The following ANKRD31 variants were observed in gnomAD, a reference collection of about 807,000 sequenced individuals.
ANKRD31 encodes the protein ankyrin repeat domain 31.
ANKRD31 carries 147 observed loss-of-function variants against 186.0 expected under a neutral mutation model. The ratio of observed to expected loss-of-function variants is 0.79; its 90% CI spans 0.69 to 0.91. The LOEUF (loss-of-function observed/expected upper bound fraction) is 0.91. ANKRD31 is among the 40% of genes least tolerant of loss of function. The pLI is 0.00. For synonymous variants in ANKRD31, 673 were observed against 736.4 expected (o/e 0.91, Z 1.39); for missense variants, 1,986 against 2,148.8 (o/e 0.92, Z 1.50).
intron 17 of ANKRD31, among the ~76,000 whole-genome samples, chr5:75,134,910 CA>C (rs1183448032): frequency 6.6e-6 from 1 of 152,058 alleles, no homozygotes; most frequent in African/African-American, 2.4e-5. Context: ...GAACCAAAGA[CA>C]AAAACCCCAT....
intron 23 of ANKRD31, among the ~76,000 whole-genome samples, chr5:75,085,016 T>C (rs1745373456): frequency 6.6e-6 from 1 of 152,156 alleles, no homozygotes; most frequent in East Asian, 1.9e-4. Context: ...CAAGGGTCTT[T>C]GGGTTCTTTA....
Position 75,190,694 on chromosome 5 carries a change from C to T in ANKRD31, c.1408+1973G>A, listed in dbSNP as rs535770502. 1.5e-3 allele frequency among the ~76,000 whole-genome samples: 227 copies of T among 151,102 alleles called. 5 individuals are homozygous for T. Among genetic ancestry groups the T allele is most frequent in the African/African-American group, 5.2e-3 (215 of 40,976 alleles). On this transcript the variant is annotated intron_variant, in intron 9 of 25. Transcript: ENST00000506364. The stretch of plus-strand genomic sequence containing the variant: ...TCATGTTCTTTTTACTTTTTTCCCC[C>T]AGTTTAAAAATTTTTAATTAATTAT...
chr5:75,214,430 AG>A (rs1409236912), intron 3 of ANKRD31, among the ~76,000 whole-genome samples: 1 of 152,232 alleles, frequency 6.6e-6, no homozygotes. Context: ...CAGTAGCATC[AG>A]GGGTACCTAA....
chr5:75,184,484 C>T (rs1475222310), intron 10 of ANKRD31, among the ~76,000 whole-genome samples: 2 of 151,940 alleles, frequency 1.3e-5, no homozygotes, highest in Non-Finnish European at 2.9e-5. Flanking sequence ...AAAATATTTG[C>T]AAACCATGCA....
At chr5:75,075,810 A>G (rs7720035) in intron 25 of ANKRD31, among the ~76,000 whole-genome samples, 7,450 of 152,254 alleles carry the variant, frequency 0.049, 395 homozygotes, top group African/African-American at 0.13. Flanking sequence ...ATGAAGTATC[A>G]AGATTTAGAT....
At chr5:75,120,322 G>A (rs1031380376) in intron 17 of ANKRD31, among the ~76,000 whole-genome samples, 4 of 152,104 alleles carry the variant, frequency 2.6e-5, no homozygotes, top group African/African-American at 9.7e-5. Context: ...TTGACCCTGG[G>A]AGGTCAAGGC....
intron 1 of ANKRD31, among the ~76,000 whole-genome samples, chr5:75,234,547 G>A (rs979413544): frequency 6.6e-6 from 1 of 152,200 alleles, no homozygotes; most frequent in Non-Finnish European, 1.5e-5. Context: ...CAATATAATA[G>A]GGTATGTAGT....
At chr5:75,111,376 T>C (rs1252398334) in intron 20 of ANKRD31, among the ~76,000 whole-genome samples, 1 of 152,188 alleles carries the variant, frequency 6.6e-6, no homozygotes, top group East Asian at 1.9e-4. Context: ...ACATTACAAA[T>C]AGTAAATGAA....
At chr5:75,152,595 A>G (rs1751914677) in intron 12 of ANKRD31, among the ~76,000 whole-genome samples, 1 of 152,004 alleles carries the variant, frequency 6.6e-6, no homozygotes, top group African/African-American at 2.4e-5. Flanking sequence ...TCTTGAATGG[A>G]AAGAATTTGT....
intron 17 of ANKRD31, among the ~76,000 whole-genome samples, chr5:75,131,594 C>G (rs1408318243): frequency 6.6e-6 from 1 of 152,206 alleles, no homozygotes; most frequent in African/African-American, 2.4e-5. Flanking sequence ...CAAGGCATAG[C>G]TGAACAAACA....
At chr5:75,131,149 C>G (rs1157174202) in intron 17 of ANKRD31, among the ~76,000 whole-genome samples, 1 of 152,168 alleles carries the variant, frequency 6.6e-6, no homozygotes, top group Non-Finnish European at 1.5e-5. Context: ...CAGCTCCGAC[C>G]TGTGCCTCTC....
At chr5:75,184,521 A>T (rs1168074941) in intron 10 of ANKRD31, among the ~76,000 whole-genome samples, 2 of 152,082 alleles carry the variant, frequency 1.3e-5, no homozygotes, top group Non-Finnish European at 2.9e-5. Flanking sequence ...TATGCAGAAT[A>T]TGTAAGAAAC....
rs377757636 is a variant in ANKRD31 at position 75,211,000 on chromosome 5, AATTTACTATCT to A, written c.289-146_289-136del. 902 of 590,660 alleles carry A rather than the reference AATTTACTATCT, an allele frequency of 1.5e-3. 1 individual carries two copies. Among genetic ancestry groups the A allele is most frequent in the African/African-American group, 0.013 (665 of 52,112 alleles). 36.6% of individuals were successfully genotyped at this position (590,660 alleles called of 1,614,324 possible). ...TTTTATGGTGGTAAAATACACATAA[AATTTACTATCT>A]ATTTACTATCTGTACATTTTTAAGT... On this transcript the variant is annotated intron_variant, in intron 3 of 25. Coordinates refer to ENST00000506364, the MANE Select transcript of ANKRD31 (RefSeq NM_001372053.1).
At chr5:75,220,130 A>C (rs998299297) in intron 3 of ANKRD31, among the ~76,000 whole-genome samples, 3 of 152,192 alleles carry the variant, frequency 2.0e-5, no homozygotes, top group Non-Finnish European at 2.9e-5. Flanking sequence ...AAAAACAAAA[A>C]CTGACAAATG....
At chr5:75,149,819 A>G (rs1355500092) in intron 12 of ANKRD31, among the ~76,000 whole-genome samples, 1 of 151,952 alleles carries the variant, frequency 6.6e-6, no homozygotes, top group Non-Finnish European at 1.5e-5. Context: ...GCAAAAGGAC[A>G]CTATACCTTC....
chr5:75,132,517 T>A (rs6453120), intron 17 of ANKRD31, among the ~76,000 whole-genome samples: 76,740 of 151,978 alleles, frequency 0.5, 22,312 homozygotes, highest in African/African-American at 0.81. Flanking sequence ...TGGGACTATG[T>A]GAAAAGACCA....
intron 25 of ANKRD31, among the ~76,000 whole-genome samples, chr5:75,077,562 T>A (rs1744746057): frequency 6.6e-6 from 1 of 152,106 alleles, no homozygotes. Context: ...GTACTTGATT[T>A]TTATATATAA....
intron 11 of ANKRD31, among the ~76,000 whole-genome samples, chr5:75,164,696 G>T (rs1291372570): frequency 1.3e-5 from 2 of 152,112 alleles, no homozygotes; most frequent in African/African-American, 4.8e-5. Flanking sequence ...TTTTTCTCAT[G>T]CTCCTTGATC....
chr5:75,236,592 G>A lies in ANKRD31; in HGVS notation c.95C>T (p.Pro32Leu), dbSNP rs778782984. 1.3e-6 allele frequency: 2 copies of A among 1,536,838 alleles called. No homozygotes were observed. The highest frequency in any genetic ancestry group is 2.4e-5 in the South Asian group (2 of 84,022). ...TESDLEEKEL[P>L]WRRLLFDQDA... ...CCCTAATGATGGTCACCTTCTCCAG[G>A]GCAGCTCCTTTTCTTCCAGGTCGCT... The change falls in exon 1 of 26, where the codon CCC becomes CTC. Residue 32 changes from proline to leucine, a missense_variant. Coordinates refer to ENST00000506364, the MANE Select transcript of ANKRD31 (RefSeq NM_001372053.1).
Sources: allele counts gnomAD v4.1 joint callset (sites outside exome capture counted in the v4.1 genomes callset), GRCh38; gene constraint gnomAD v4.1.1; transcripts MANE v1.5; gene names NCBI Gene and HGNC (gene_info 2026-07-23, HGNC 2026-07-21).